The following DNAH10 variants were observed in gnomAD, a reference collection of about 807,000 sequenced individuals.
The protein encoded by DNAH10 is dynein axonemal heavy chain 10, also known as axonemal beta dynein heavy chain 10.
A neutral mutation model predicts 506.6 loss-of-function variants in DNAH10; 348 were observed. The ratio of observed to expected loss-of-function variants is 0.69; its 90% CI spans 0.63 to 0.75. The LOEUF is 0.75. Ranked by LOEUF, DNAH10 falls within the 30% of genes least tolerant of loss-of-function variation. DNAH10 has a pLI of 0.00. For synonymous variants in DNAH10, 2,059 were observed against 2,198.6 expected (o/e 0.94, Z 1.78); for missense variants, 5,179 against 5,787.1 (o/e 0.89, Z 3.41).
chr12:123,833,283 G>C lies in DNAH10; in HGVS notation c.4715G>C (p.Gly1572Ala). Residue 1572 changes from glycine (G) to alanine (A), a missense_variant, in exon 27 of 79, where the codon GGG becomes GCG. This residue lies in a region of DNAH10 where 4,844 missense variants were observed against 5,430.5 expected (regional missense o/e 0.89). Transcript: ENST00000673944. ...AGCATCTCAGGAAGCAGATTTGTGG[G>C]GCCTTTTCTGCAAACTGTTCACAAA... ...LQSISGSRFVGPFLQTVHKWE... is the reference protein window; with the variant it reads ...LQSISGSRFVAPFLQTVHKWE... 1 of 1,613,800 alleles carries C rather than the reference G, an allele frequency of 6.2e-7. No individual in the cohort carries two copies. The highest frequency in any genetic ancestry group is 8.5e-7 in the Non-Finnish European group (1 of 1,179,842).
chr12:123,835,291 A>G, intron 27 of DNAH10, 115 bp from the exon 28 acceptor site: 1 of 1,201,764 alleles, frequency 8.3e-7, no homozygotes, highest in Non-Finnish European at 1.1e-6. Flanking sequence ...CTTGCCTGGA[A>G]GGTCCTCCCA....
intron 42 of DNAH10, 40 bp from the exon 43 acceptor site, chr12:123,867,863 G>A (rs777411563): frequency 1.9e-6 from 3 of 1,579,314 alleles, no homozygotes; most frequent in Admixed American, 1.8e-5. Context: ...CTGTGGGGGT[G>A]GACTATGTGG....
rs11057392 is a variant in DNAH10, at chr12:123,914,458, G to A, written c.10482G>A (p.Arg3494=). 0.027 allele frequency: 43,152 copies of A among 1,613,802 alleles called. 723 individuals carry two copies. Among genetic ancestry groups the A allele is most frequent in the Non-Finnish European group, 0.032 (37,651 of 1,179,892 alleles). ...TWEFRDEMVN[R]IWQNDILERE... ...AGTTCCGTGACGAGATGGTCAATCG[G>A]ATTTGGCAAAATGACATCCTGGAGC... is the stretch of plus-strand genomic sequence containing the variant. Residue 3494 remains arginine (R), a synonymous_variant, in exon 61 of 79, where the codon CGG becomes CGA. Transcript: ENST00000673944.
chr12:123,762,436 G>A lies in DNAH10; in HGVS notation c.100G>A (p.Gly34Ser). ...LFEDLLNRDDGQGEDLILHFL... is the reference protein window; with the variant it reads ...LFEDLLNRDDSQGEDLILHFL... Reference sequence around the variant, plus strand: ...CGAGGACCTGCTCAACCGCGACGACGGCCAGGGCGAGGACCTCATCTTGCA... The same window carrying A: ...CGAGGACCTGCTCAACCGCGACGACAGCCAGGGCGAGGACCTCATCTTGCA... Residue 34 changes from glycine (G) to serine (S), a missense_variant, in exon 1 of 79, where the codon GGC becomes AGC. Gly to Ser is a moderately conservative substitution (Grantham distance 56, BLOSUM62 0). Transcript: ENST00000673944. This position sits in a 1 kb window ranked among gnomAD's most constrained non-coding sequence, Gnocchi z 5.0. 1 of 1,439,274 alleles carries A rather than the reference G, an allele frequency of 6.9e-7. No individual in the cohort carries two copies. 89.2% of individuals were successfully genotyped at this position (1,439,274 alleles called of 1,614,324 possible).
rs753077414 is a variant in DNAH10, at chr12:123,935,490, T to C, written c.*9T>C. 1.3e-6 allele frequency: 2 copies of C among 1,573,022 alleles called. No homozygotes were observed. The highest frequency in any genetic ancestry group is 1.1e-5 in the South Asian group (1 of 88,460). On this transcript the variant is annotated 3_prime_UTR_variant, in exon 79 of 79. Coordinates refer to ENST00000673944, the MANE Select transcript of DNAH10 (RefSeq NM_001372106.1). ...CCCTGAATTCTGATTAACCTTTGGG[T>C]GAAGAAAACTGCTTAATGAATTCGG...
At chr12:123,801,190 A>G in intron 15 of DNAH10, 91 bp from the exon 16 acceptor site, 1 of 1,405,276 alleles carries the variant, frequency 7.1e-7, no homozygotes, top group East Asian at 2.4e-5. Context: ...CTTGATTGAG[A>G]CCACGGTCTT....
rs1476443729 is a variant in DNAH10, at chr12:123,933,343, G to A, written c.13309G>A (p.Glu4437Lys). 2.5e-6 allele frequency: 4 copies of A among 1,578,834 alleles called. No individual in the cohort carries two copies. Among genetic ancestry groups the A allele is most frequent in the African/African-American group, 2.7e-5 (2 of 73,410 alleles). ...CTCTTCTCTCCAGGTGACCGAGAGC[G>A]AGCCCAGCGTGATGTGGCTCTCGGG... Reference protein sequence around the residue: ...SQYMLWVTESEPSVMWLSGLH... With the variant: ...SQYMLWVTESKPSVMWLSGLH... The change falls in exon 77 of 79, where the codon GAG becomes AAG. Residue 4437 changes from glutamate (E) to lysine (K), a missense_variant. Physicochemically the swap from Glu to Lys is moderately conservative, Grantham distance 56 (BLOSUM62 1). Transcript: ENST00000673944.
chr12:123,838,996 G>C (rs1208728462), intron 29 of DNAH10, among the ~76,000 whole-genome samples: 1 of 151,912 alleles, frequency 6.6e-6, no homozygotes, highest in Non-Finnish European at 1.5e-5. Flanking sequence ...ATATTTTTTG[G>C]AGAGATGAGG....
At chr12:123,854,069 G>GT (rs10648649) in intron 36 of DNAH10, among the ~76,000 whole-genome samples, 3,874 of 116,890 alleles carry the variant, frequency 0.033, 81 homozygotes, top group African/African-American at 0.061. Context: ...ACACATTTGG[G>GT]TTTTTTTTTT....
intron 35 of DNAH10, among the ~76,000 whole-genome samples, chr12:123,851,772 C>T (rs1334455988): frequency 2.0e-5 from 3 of 152,198 alleles, no homozygotes; most frequent in Admixed American, 1.3e-4. Context: ...ACTATTCCAT[C>T]ACCACGACCA....
intron 25 of DNAH10, among the ~76,000 whole-genome samples, chr12:123,827,421 A>G (rs1960105230): frequency 6.6e-6 from 1 of 152,254 alleles, no homozygotes; most frequent in Admixed American, 6.5e-5. Context: ...TTATATCTAT[A>G]GCCTATTTCA....
intron 54 of DNAH10, among the ~76,000 whole-genome samples, chr12:123,895,386 CAAT>C (rs1398986436): frequency 6.6e-6 from 1 of 152,070 alleles, no homozygotes; most frequent in Non-Finnish European, 1.5e-5. Flanking sequence ...AATCTGTACT[CAAT>C]AATAAATAAA....
chr12:123,921,185 C>A (rs1354293117), intron 65 of DNAH10, among the ~76,000 whole-genome samples: 1 of 152,172 alleles, frequency 6.6e-6, no homozygotes, highest in Admixed American at 6.5e-5. Flanking sequence ...CTCTCAAATG[C>A]CAATACATGT....
At chr12:123,810,813 G>A (rs1958904499) in intron 19 of DNAH10, among the ~76,000 whole-genome samples, 1 of 152,122 alleles carries the variant, frequency 6.6e-6, no homozygotes, top group South Asian at 2.1e-4. Flanking sequence ...TGCTATGTAT[G>A]TTTCCTTTGT....
intron 38 of DNAH10, 139 bp from the exon 39 acceptor site, chr12:123,860,873 C>A: frequency 9.5e-7 from 1 of 1,053,396 alleles, no homozygotes; most frequent in Non-Finnish European, 1.4e-6. Context: ...GAAGGGAAGC[C>A]CAGTGAAGAG....
At chr12:123,831,430 C>T (rs1168136701) in intron 26 of DNAH10, among the ~76,000 whole-genome samples, 1 of 152,138 alleles carries the variant, frequency 6.6e-6, no homozygotes, top group African/African-American at 2.4e-5. Context: ...GAAATGTGTC[C>T]TGAGTTGATT....
rs1956855709 is a variant in DNAH10, at chr12:123,762,316, C to T, written c.-21C>T. 4 of 1,237,084 alleles carry T rather than the reference C, an allele frequency of 3.2e-6. No individual in the cohort carries two copies. In the South Asian group the frequency reaches 1.2e-4, roughly 36 times the overall value. 76.6% of individuals were successfully genotyped at this position (1,237,084 alleles called of 1,614,324 possible). On this transcript the variant is annotated 5_prime_UTR_variant, in exon 1 of 79. Transcript: ENST00000673944. This position sits in a 1 kb window ranked among gnomAD's most constrained non-coding sequence, Gnocchi z 5.0. The stretch of plus-strand genomic sequence containing the variant: ...ACGGACGCCCGCCCTGCGCCCGGCT[C>T]CCTCTGCACTGCGCGGCGCCATGGA...
chr12:123,928,338 G>A lies in DNAH10; in HGVS notation c.12106-49G>A. The stretch of plus-strand genomic sequence containing the variant: ...GGAGTGGGTCTCTGGAGAGCACGGG[G>A]TTGGGTTTGGATGCCAACCCCTCTC... On this transcript the variant is annotated intron_variant, in intron 69 of 78. Transcript: ENST00000673944. This position sits in a 1 kb window ranked among gnomAD's most constrained non-coding sequence, Gnocchi z 4.9. The A allele has an allele frequency of 6.5e-7, 1 of 1,544,576 alleles. No individual in the cohort carries two copies. Among genetic ancestry groups the A allele is most frequent in the South Asian group, 1.2e-5 (1 of 83,606 alleles).
chr12:123,924,691 G>T (rs115735567), intron 67 of DNAH10, among the ~76,000 whole-genome samples: 1 of 145,028 alleles, frequency 6.9e-6, no homozygotes, highest in Non-Finnish European at 1.5e-5. Flanking sequence ...TTTACCCACC[G>T]ACCCATTCAT....
Sources: gnomAD v4.1 joint callset for allele counts (sites outside exome capture counted in the v4.1 genomes callset) on GRCh38, gnomAD v4.1.1 for gene constraint, gnomAD v4.1.1 regional missense constraint, Gnocchi (gnomAD v3.1) non-coding constraint, MANE v1.5 for transcripts, NCBI Gene and HGNC (gene_info 2026-07-23, HGNC 2026-07-21) for gene names.